The following ERBB4 variants were observed in gnomAD, a reference collection of about 807,000 sequenced individuals.
ERBB4 encodes the protein receptor tyrosine-protein kinase erbB-4.
A neutral mutation model predicts 158.0 loss-of-function variants in ERBB4; 42 were observed. That is an observed-to-expected ratio of 0.27 (90% CI 0.21 to 0.34). The LOEUF is 0.34. Ranked by LOEUF, ERBB4 falls within the 10% of genes least tolerant of loss-of-function variation. ERBB4 has a pLI of 1.00. For missense variants in ERBB4, 1,333 were observed against 1,624.1 expected (o/e 0.82, Z 3.08); for synonymous variants, 583 against 558.7 (o/e 1.04, Z -0.61).
intron 3 of ERBB4, among the ~76,000 whole-genome samples, chr2:211,818,487 G>A (rs1260727631): frequency 2.0e-5 from 3 of 152,014 alleles, no homozygotes; most frequent in Non-Finnish European, 4.4e-5. Flanking sequence ...AATGTGGGTG[G>A]GGGTTGGGGC....
chr2:211,469,670 T>C (rs1007917619), intron 20 of ERBB4, among the ~76,000 whole-genome samples: 1 of 152,124 alleles, frequency 6.6e-6, no homozygotes, highest in African/African-American at 2.4e-5. Flanking sequence ...AGTTATAAAA[T>C]TTGCATTGAC....
In ERBB4 at chr2:212,161,975, T is replaced by C. The variant is rs1419233309; in HGVS notation, c.83-37072A>G. Among the ~76,000 whole-genome samples, 4 of 151,880 alleles carry C rather than the reference T, an allele frequency of 2.6e-5. 1 individual carries two copies. Among genetic ancestry groups the C allele is most frequent in the Admixed American group, 1.3e-4 (2 of 15,206 alleles). On this transcript the variant is annotated intron_variant, in intron 1 of 27. Coordinates refer to ENST00000342788, the MANE Select transcript of ERBB4 (RefSeq NM_005235.3). The stretch of plus-strand genomic sequence containing the variant: ...TGAAAATCCAGAGCAAGTAGCACTG[T>C]TATATATTGTGAGAATATAAAGTGT...
intron 1 of ERBB4, among the ~76,000 whole-genome samples, chr2:212,210,243 T>A (rs181044215): frequency 1.3e-5 from 2 of 150,274 alleles, no homozygotes; most frequent in Admixed American, 1.3e-4. Flanking sequence ...AATTTAGAAT[T>A]TACCTTGTAA....
intron 3 of ERBB4, among the ~76,000 whole-genome samples, chr2:211,793,875 A>G (rs752838678): frequency 2.0e-5 from 3 of 151,864 alleles, no homozygotes; most frequent in Non-Finnish European, 4.4e-5. Context: ...TTCATCATCA[A>G]TCAAGCTTTG....
At chr2:211,956,274 T>C (rs1269145810) in intron 2 of ERBB4, among the ~76,000 whole-genome samples, 1 of 152,142 alleles carries the variant, frequency 6.6e-6, no homozygotes, top group South Asian at 2.1e-4. Flanking sequence ...AGTAAGAATG[T>C]TTGGAAACCT....
At chr2:211,432,830 T>G (rs1266909130) in intron 20 of ERBB4, among the ~76,000 whole-genome samples, 1 of 152,122 alleles carries the variant, frequency 6.6e-6, no homozygotes, top group African/African-American at 2.4e-5. Flanking sequence ...TCAGATAAGG[T>G]CTGTATATTA....
chr2:212,345,434 T>C (rs1402378206), intron 1 of ERBB4, among the ~76,000 whole-genome samples: 2 of 152,154 alleles, frequency 1.3e-5, no homozygotes, highest in Middle Eastern at 6.8e-3. Flanking sequence ...GGAGACATAC[T>C]TGGCTGTCAC....
intron 1 of ERBB4, among the ~76,000 whole-genome samples, chr2:212,305,035 G>C (rs7592213): frequency 0.85 from 127,773 of 151,122 alleles, 54,531 homozygotes; most frequent in Non-Finnish European, 0.9. Context: ...AAAATATTTT[G>C]TTCATATAAA....
chr2:211,843,719 A>G (rs2077527913), intron 3 of ERBB4, among the ~76,000 whole-genome samples: 1 of 144,100 alleles, frequency 6.9e-6, no homozygotes. Context: ...TATTTTAATG[A>G]GCTTTCATTG....
chr2:212,017,992 G>T (rs2076566279), intron 2 of ERBB4, among the ~76,000 whole-genome samples: 1 of 152,030 alleles, frequency 6.6e-6, no homozygotes, highest in Non-Finnish European at 1.5e-5. Context: ...ACAACCATAT[G>T]GGAGATCAAC....
intron 3 of ERBB4, among the ~76,000 whole-genome samples, chr2:211,824,929 A>T (rs773470958): frequency 6.6e-6 from 1 of 151,936 alleles, no homozygotes; most frequent in Non-Finnish European, 1.5e-5. Context: ...ATCTTTGTTA[A>T]TATCTCTACA....
At chr2:211,522,032 A>G (rs2066200175) in intron 20 of ERBB4, among the ~76,000 whole-genome samples, 1 of 152,154 alleles carries the variant, frequency 6.6e-6, no homozygotes, top group African/African-American at 2.4e-5. Context: ...TACAACATCC[A>G]TTATCTAGCC....
chr2:211,487,373 A>AAAAT, intron 20 of ERBB4, among the ~76,000 whole-genome samples: 1 of 97,750 alleles, frequency 1.0e-5, no homozygotes. Context: ...AATAAATAAA[A>AAAAT]AAATAAATAA....
intron 1 of ERBB4, among the ~76,000 whole-genome samples, chr2:212,303,972 T>C (rs554385626): frequency 5.2e-4 from 79 of 151,728 alleles, no homozygotes; most frequent in African/African-American, 1.8e-3. Context: ...CTTTCCTAAT[T>C]TTTCAACTCA....
intron 1 of ERBB4, among the ~76,000 whole-genome samples, chr2:212,430,640 C>A (rs767853824): frequency 6.6e-6 from 1 of 152,014 alleles, no homozygotes. Flanking sequence ...TGGGGTTTCA[C>A]CATGTTGGCC....
chr2:212,385,242 CT>C (rs2090637170), intron 1 of ERBB4, among the ~76,000 whole-genome samples: 1 of 151,626 alleles, frequency 6.6e-6, no homozygotes, highest in Non-Finnish European at 1.5e-5. Flanking sequence ...TATATTATAC[CT>C]GTTAGGCTTA....
intron 1 of ERBB4, among the ~76,000 whole-genome samples, chr2:212,514,535 G>A (rs184709719): frequency 1.1e-4 from 16 of 152,098 alleles, no homozygotes; most frequent in Non-Finnish European, 1.8e-4. Flanking sequence ...GGCTGGGCAC[G>A]GTGGCTCATG....
At chr2:212,288,523 G>C (rs908036584) in intron 1 of ERBB4, among the ~76,000 whole-genome samples, 1 of 152,132 alleles carries the variant, frequency 6.6e-6, no homozygotes, top group Admixed American at 6.5e-5. Flanking sequence ...GCCTTTTGCA[G>C]TGGGGAGGAG....
intron 1 of ERBB4, among the ~76,000 whole-genome samples, chr2:212,283,856 C>G (rs912075797): frequency 6.6e-6 from 1 of 151,964 alleles, no homozygotes; most frequent in African/African-American, 2.4e-5. Flanking sequence ...TATGTTTGTT[C>G]ACATGCTAAT....
Sources: allele counts gnomAD v4.1 joint callset (sites outside exome capture counted in the v4.1 genomes callset), GRCh38; gene constraint gnomAD v4.1.1; transcripts MANE v1.5; gene names NCBI Gene and HGNC (gene_info 2026-07-23, HGNC 2026-07-21).